FMN1: variants seen among roughly 807,000 people sequenced by gnomAD.
The protein encoded by FMN1 is formin-1.
Under a neutral mutation model 132.4 loss-of-function variants are expected in FMN1, and 110 were observed. That is an observed-to-expected ratio of 0.83 (90% CI 0.71 to 0.97). The LOEUF (loss-of-function observed/expected upper bound fraction) is 0.97, where lower values mean the gene tolerates loss of function less well. Ranked by LOEUF, FMN1 falls within the 50% of genes least tolerant of loss-of-function variation. The pLI is 0.00. For missense variants in FMN1, 1,792 were observed against 1,705.3 expected, an observed-to-expected ratio of 1.05 and a Z score of -0.90; for synonymous variants, 722 against 651.7, an observed-to-expected ratio of 1.11 and a Z score of -1.64.
chr15:33,065,919 A>G (rs2037704331), intron 5 of FMN1, among the ~76,000 whole-genome samples: 1 of 152,130 alleles, frequency 6.6e-6, no homozygotes, highest in Non-Finnish European at 1.5e-5. Context: ...CCATATAACC[A>G]TTTTATTTTC....
At chr15:33,128,604 C>G (rs181274007) in intron 4 of FMN1, among the ~76,000 whole-genome samples, 5 of 152,328 alleles carry the variant, frequency 3.3e-5, no homozygotes, top group African/African-American at 9.6e-5. Context: ...CACAAACATA[C>G]CCGCGGACCT....
At chr15:32,803,390 A>G (rs1255770014) in intron 18 of FMN1, among the ~76,000 whole-genome samples, 1 of 152,210 alleles carries the variant, frequency 6.6e-6, no homozygotes, top group Admixed American at 6.5e-5. Flanking sequence ...GTCAACTAAC[A>G]AAAAGGAAAA....
chr15:33,155,065 A>C lies in FMN1; in HGVS notation c.-131-20T>G. ...GACTGCCTGTTAGAGGAACAGGGGA[A>C]GAAAGCAGCTTGTCTAACAGAGTGC... On this transcript the variant is annotated intron_variant, in intron 3 of 20. Coordinates refer to ENST00000616417, the MANE Select transcript of FMN1 (RefSeq NM_001277313.2). The C allele has an allele frequency of 1.6e-6, 1 of 622,256 alleles. No homozygotes were observed. The highest frequency in any genetic ancestry group is 2.7e-5 in the East Asian group (1 of 36,426). 38.5% of individuals were successfully genotyped at this position (622,256 alleles called of 1,614,324 possible).
intron 4 of FMN1, among the ~76,000 whole-genome samples, chr15:33,127,346 C>G (rs1372498934): frequency 6.8e-6 from 1 of 148,080 alleles, no homozygotes; most frequent in African/African-American, 2.4e-5. Context: ...CCCTAAATCC[C>G]TCTAAATAAC....
intron 17 of FMN1, among the ~76,000 whole-genome samples, chr15:32,806,403 T>C (rs1273981441): frequency 1.3e-5 from 2 of 152,194 alleles, no homozygotes; most frequent in South Asian, 2.1e-4. Flanking sequence ...AAAGATTTAA[T>C]GAGATAATAC....
At chr15:33,069,096 A>G (rs2037882017) in intron 5 of FMN1, among the ~76,000 whole-genome samples, 1 of 152,210 alleles carries the variant, frequency 6.6e-6, no homozygotes, top group African/African-American at 2.4e-5. Context: ...AAACATCTGA[A>G]AAGTCTCTAT....
rs2056087963 is a variant in FMN1, at chr15:32,767,528, G to A, written c.*6782C>T. 6.6e-6 allele frequency: 1 copy of A among 152,042 alleles called. No individual in the cohort carries two copies. The highest frequency in any genetic ancestry group is 1.5e-5 in the Non-Finnish European group (1 of 67,992). The allele number at this position is 152,042 out of a possible 1,614,324, so 9.4% of individuals were successfully genotyped here. A position where few individuals can be genotyped will look rare whatever the true frequency, so the allele number is the denominator to read the frequency against. Reference sequence around the variant, plus strand: ...ATGCTAGTCTAAATGAAAACTCAATGAAAGAAAAAGACTATGATAAACCAA... The same window carrying A: ...ATGCTAGTCTAAATGAAAACTCAATAAAAGAAAAAGACTATGATAAACCAA... On this transcript the variant is annotated 3_prime_UTR_variant, in exon 21 of 21. Coordinates refer to ENST00000616417, the MANE Select transcript of FMN1 (RefSeq NM_001277313.2).
intron 17 of FMN1, among the ~76,000 whole-genome samples, chr15:32,834,331 G>A (rs2058573690): frequency 2.0e-5 from 3 of 152,120 alleles, no homozygotes; most frequent in South Asian, 4.1e-4. Context: ...CATGGTGTGT[G>A]GAACAGAACT....
rs145512045 is a variant in FMN1, at chr15:33,092,097, G to A, written c.1868-3123C>T. On this transcript the variant is annotated intron_variant, in intron 4 of 20. Coordinates refer to ENST00000616417, the MANE Select transcript of FMN1 (RefSeq NM_001277313.2). ...TACAGCTGACCACGGTTAATACAAC[G>A]TACAGCACAGTCACAGTAAAGGTAG... Among the ~76,000 whole-genome samples the A allele has an allele frequency of 7.0e-3, 1,063 of 152,220 alleles. 6 individuals are homozygous for A. Among genetic ancestry groups the A allele is most frequent in the Non-Finnish European group, 9.2e-3 (626 of 68,018 alleles).
chr15:33,113,154 T>A (rs540838787), intron 4 of FMN1, among the ~76,000 whole-genome samples: 27 of 152,230 alleles, frequency 1.8e-4, no homozygotes, highest in Non-Finnish European at 3.1e-4. Flanking sequence ...GTAATTTGGA[T>A]GCTTTGTGGC....
intron 6 of FMN1, among the ~76,000 whole-genome samples, chr15:33,020,346 C>T (rs965826858): frequency 7.1e-6 from 1 of 141,306 alleles, no homozygotes; most frequent in Non-Finnish European, 1.6e-5. Flanking sequence ...CCACCAGATT[C>T]GGTCACTATA....
chr15:33,029,388 G>A (rs1255881460), intron 6 of FMN1, among the ~76,000 whole-genome samples: 3 of 152,022 alleles, frequency 2.0e-5, no homozygotes, highest in Non-Finnish European at 2.9e-5. Flanking sequence ...GGTAAAGGGA[G>A]AGAGAGAGAG....
chr15:33,048,937 A>C (rs867532994), intron 6 of FMN1, among the ~76,000 whole-genome samples: 44 of 152,350 alleles, frequency 2.9e-4, no homozygotes, highest in African/African-American at 9.6e-4. Flanking sequence ...AAACTGTATC[A>C]GGAAAGTAAA....
At chr15:32,785,218 A>ATATATATTTTTTTTTTT (rs1444523400) in intron 19 of FMN1, among the ~76,000 whole-genome samples, 9 of 39,206 alleles carry the variant, frequency 2.3e-4, no homozygotes, top group East Asian at 5.2e-4. Flanking sequence ...ATATATATAT[A>ATATATATTTTTTTTTTT]TTTTTTTTTT....
At chr15:33,151,430 G>C in intron 4 of FMN1, 3 of 1,524,802 alleles carry the variant, frequency 2.0e-6, no homozygotes, top group Non-Finnish European at 2.6e-6. Flanking sequence ...GAGGCCAAAG[G>C]AACATGTGAT....
intron 6 of FMN1, among the ~76,000 whole-genome samples, chr15:33,032,019 A>T (rs1200885541): frequency 1.3e-5 from 2 of 152,244 alleles, no homozygotes; most frequent in African/African-American, 4.8e-5. Flanking sequence ...TTAACAACAA[A>T]AATAATAATT....
chr15:33,150,493 A>G (rs1964399719), intron 4 of FMN1: 1 of 985,468 alleles, frequency 1.0e-6, no homozygotes, highest in Non-Finnish European at 1.2e-6. Context: ...ATCATCCTTG[A>G]AATGAGAAGT....
chr15:32,880,191 T>A (rs137971007), intron 16 of FMN1, among the ~76,000 whole-genome samples: 1 of 152,168 alleles, frequency 6.6e-6, no homozygotes, highest in East Asian at 1.9e-4. Flanking sequence ...GACATTATTA[T>A]GACTTTGCAA....
chr15:32,946,938 T>C (rs1217839666), intron 9 of FMN1, among the ~76,000 whole-genome samples: 1 of 152,202 alleles, frequency 6.6e-6, no homozygotes, highest in East Asian at 1.9e-4. Flanking sequence ...TCCACAAACA[T>C]TTTGGATAAC....
Sources: allele counts gnomAD v4.1 joint callset (sites outside exome capture counted in the v4.1 genomes callset), GRCh38; gene constraint gnomAD v4.1.1; transcripts MANE v1.5; gene names NCBI Gene and HGNC (gene_info 2026-07-23, HGNC 2026-07-21).